GPRC5A: variants seen among roughly 807,000 people sequenced by gnomAD.
The protein encoded by GPRC5A is G protein-coupled receptor class C group 5 member A, also known as retinoic acid-induced protein 3.
In GPRC5A, 19 loss-of-function variants were observed where a neutral mutation model predicts 22.5. The ratio of observed to expected loss-of-function variants is 0.85; its 90% CI spans 0.59 to 1.24. The LOEUF is 1.24. Ranked by LOEUF, GPRC5A falls within the 50% of genes most tolerant of loss-of-function variation. GPRC5A has a pLI of 0.00. For missense variants in GPRC5A, 471 were observed against 451.1 expected (o/e 1.04, Z -0.40); for synonymous variants, 192 against 184.5 (o/e 1.04, Z -0.33).
chr12:12,901,137 C>T (rs1347509923), intron 1 of GPRC5A, among the ~76,000 whole-genome samples: 1 of 152,090 alleles, frequency 6.6e-6, no homozygotes, highest in Non-Finnish European at 1.5e-5. Context: ...GTCCTTTGCT[C>T]ATGCCCAAGG....
At chr12:12,905,857 C>T (rs75909089) in intron 1 of GPRC5A, among the ~76,000 whole-genome samples, 3,894 of 152,190 alleles carry the variant, frequency 0.026, 174 homozygotes, top group African/African-American at 0.089. Flanking sequence ...TAGTGGCTTC[C>T]TGATTATCCG....
At position 12,912,181 on chromosome 12, in the gene GPRC5A, G is replaced by A. The variant is rs138487795; in HGVS notation, c.981+39G>A. ...TTCTCCCTCTTCATCAAAGGCATTA[G>A]CACCTCAGGAACACTGATCCTTTGG... On this transcript the variant is annotated intron_variant, in intron 3 of 3. Coordinates refer to ENST00000014914, the MANE Select transcript of GPRC5A (RefSeq NM_003979.4). The A allele has an allele frequency of 2.0e-4, 276 of 1,372,832 alleles. 1 individual carries two copies. The African/African-American group carries it at 3.5e-3, about 17-fold the overall frequency. 85.0% of individuals were successfully genotyped at this position (1,372,832 alleles called of 1,614,324 possible).
rs749725915 is a variant in GPRC5A, at chr12:12,909,030, G to C, written c.781G>C (p.Val261Leu). Reference protein sequence around the residue: ...ANGWVFLLAYVSPEFWLLTKQ... With the variant: ...ANGWVFLLAYLSPEFWLLTKQ... Reference sequence around the variant, plus strand: ...TGGCTGGGTGTTCCTGTTGGCTTATGTTAGTCCCGAGTTTTGGCTGCTCAC... The same window carrying C: ...TGGCTGGGTGTTCCTGTTGGCTTATCTTAGTCCCGAGTTTTGGCTGCTCAC... Residue 261 changes from valine (V) to leucine (L), a missense_variant, in exon 2 of 4, where the codon GTT (valine) becomes CTT (leucine). Val to Leu is a conservative substitution (Grantham distance 32, BLOSUM62 1). Transcript: ENST00000014914. 1 of 1,613,228 alleles carries C rather than the reference G, an allele frequency of 6.2e-7. No homozygotes were observed.
intron 1 of GPRC5A, among the ~76,000 whole-genome samples, chr12:12,904,063 T>C (rs961827793): frequency 6.6e-6 from 1 of 152,194 alleles, no homozygotes; most frequent in Non-Finnish European, 1.5e-5. Flanking sequence ...ATACCTTTCC[T>C]GCTAGACAAC....
Position 12,912,825 on chromosome 12 carries a change from TTTTG to T in GPRC5A, c.*294_*297del, listed in dbSNP as rs1319774115. On this transcript the variant is annotated 3_prime_UTR_variant, in exon 4 of 4. Coordinates refer to ENST00000014914, the MANE Select transcript of GPRC5A (RefSeq NM_003979.4). ...CAACTCAAGTTTAGACCCTTACTCT[TTTTG>T]TTTGTTTTTTGAAACAGGATCTTGC... 7 of 353,998 alleles carry T rather than the reference TTTTG, an allele frequency of 2.0e-5. No homozygotes were observed. Among genetic ancestry groups the T allele is most frequent in the Non-Finnish European group, 2.5e-5 (5 of 197,166 alleles). 21.9% of individuals were successfully genotyped at this position (353,998 alleles called of 1,614,324 possible).
At position 12,900,192 on chromosome 12, in the gene GPRC5A, T is replaced by C. The variant is rs185541923; in HGVS notation, c.-7-8051T>C. Reference sequence around the variant, plus strand: ...TTGCTGTGTCTCTTCTTCAGACCCTTCAACCTTACCTCTAGCCCTGGCTTT... The same window carrying C: ...TTGCTGTGTCTCTTCTTCAGACCCTCCAACCTTACCTCTAGCCCTGGCTTT... On this transcript the variant is annotated intron_variant, in intron 1 of 3. Transcript: ENST00000014914. Among the ~76,000 whole-genome samples, 3 of 152,332 alleles carry C rather than the reference T, an allele frequency of 2.0e-5. No individual in the cohort carries two copies. The East Asian group carries it at 5.8e-4, about 29-fold the overall frequency.
At chr12:12,899,216 T>G (rs1484544195) in intron 1 of GPRC5A, among the ~76,000 whole-genome samples, 2 of 152,022 alleles carry the variant, frequency 1.3e-5, no homozygotes. Context: ...TAATTTCTTT[T>G]TGTACAGCGG....
intron 1 of GPRC5A, among the ~76,000 whole-genome samples, chr12:12,904,088 T>C (rs1321250800): frequency 5.3e-5 from 8 of 152,136 alleles, no homozygotes; most frequent in Non-Finnish European, 1.2e-4. Context: ...TGGTGATTAA[T>C]CTGCCGGGGT....
chr12:12,907,121 G>A (rs1863949946), intron 1 of GPRC5A, among the ~76,000 whole-genome samples: 1 of 151,534 alleles, frequency 6.6e-6, no homozygotes, highest in African/African-American at 2.4e-5. Flanking sequence ...CTGAACCACA[G>A]AGCCTAAGAA....
intron 1 of GPRC5A, among the ~76,000 whole-genome samples, chr12:12,895,434 G>C (rs966634155): frequency 1.4e-5 from 2 of 146,662 alleles, no homozygotes; most frequent in Admixed American, 6.9e-5. Context: ...ACTTGTTATT[G>C]TCATCTAATT....
At chr12:12,906,782 C>G (rs1023377646) in intron 1 of GPRC5A, among the ~76,000 whole-genome samples, 3 of 151,396 alleles carry the variant, frequency 2.0e-5, no homozygotes, top group Non-Finnish European at 2.9e-5. Flanking sequence ...AGGCCGGGCA[C>G]GGTGGCTCAC....
intron 1 of GPRC5A, among the ~76,000 whole-genome samples, chr12:12,903,907 A>AG (rs1416975971): frequency 2.0e-5 from 3 of 152,242 alleles, no homozygotes; most frequent in African/African-American, 7.2e-5. Context: ...TCAGGTTCAA[A>AG]GTCCCTCATA....
chr12:12,901,030 A>G (rs1368599147), intron 1 of GPRC5A, among the ~76,000 whole-genome samples: 1 of 152,028 alleles, frequency 6.6e-6, no homozygotes, highest in Non-Finnish European at 1.5e-5. Context: ...AAGTGATTCC[A>G]GGATCTCAGC....
chr12:12,897,377 G>A (rs193246243), intron 1 of GPRC5A, among the ~76,000 whole-genome samples: 1 of 152,100 alleles, frequency 6.6e-6, no homozygotes, highest in East Asian at 1.9e-4. Flanking sequence ...TTCTGGTTAG[G>A]AGAATAATTC....
chr12:12,900,910 A>AC (rs1232438134), intron 1 of GPRC5A, among the ~76,000 whole-genome samples: 20 of 121,246 alleles, frequency 1.6e-4, no homozygotes, highest in African/African-American at 7.3e-4. Flanking sequence ...AAAAAAAAAA[A>AC]AAACAAAAAA....
intron 1 of GPRC5A, among the ~76,000 whole-genome samples, chr12:12,902,685 A>G (rs942958262): frequency 6.6e-6 from 1 of 152,034 alleles, no homozygotes. Context: ...GTGGGAAGAT[A>G]CCTTGAGCCC....
chr12:12,896,157 T>G (rs994013303), intron 1 of GPRC5A, among the ~76,000 whole-genome samples: 2 of 152,194 alleles, frequency 1.3e-5, no homozygotes, highest in Non-Finnish European at 2.9e-5. Flanking sequence ...TATTTCATTT[T>G]ATATTCACAT....
intron 1 of GPRC5A, among the ~76,000 whole-genome samples, chr12:12,900,816 G>A (rs932516366): frequency 1.4e-5 from 2 of 145,282 alleles, no homozygotes; most frequent in South Asian, 4.5e-4. Flanking sequence ...CTTGAACCTG[G>A]GAGATGGTGG....
intron 1 of GPRC5A, among the ~76,000 whole-genome samples, chr12:12,900,943 AAAACAAACAAAC>A (rs1026518280): frequency 1.3e-5 from 2 of 151,680 alleles, no homozygotes; most frequent in African/African-American, 4.8e-5. Flanking sequence ...AAAAACCCAA[AAAACAAACAAAC>A]AAAAGAACCA....
Sources: allele counts gnomAD v4.1 joint callset (sites outside exome capture counted in the v4.1 genomes callset), GRCh38; gene constraint gnomAD v4.1.1; transcripts MANE v1.5; gene names NCBI Gene and HGNC (gene_info 2026-07-23, HGNC 2026-07-21).